ADGRB2: variants seen among roughly 807,000 people sequenced by gnomAD.
ADGRB2 encodes adhesion G protein-coupled receptor B2, also known as brain-specific angiogenesis inhibitor 2.
In ADGRB2, 47 loss-of-function variants were observed where a neutral mutation model predicts 178.7. The ratio of observed to expected loss-of-function variants is 0.26; its 90% CI spans 0.21 to 0.34. ADGRB2 has a LOEUF of 0.34. ADGRB2 is among the 10% of genes least tolerant of loss of function. The probability of loss-of-function intolerance (pLI) is 1.00; values close to 1 mark genes in which losing one functional copy is unlikely to be tolerated. For synonymous variants in ADGRB2, 870 were observed against 912.4 expected, an observed-to-expected ratio of 0.95 and a Z score of 0.84; for missense variants, 1,584 against 2,180.8, an observed-to-expected ratio of 0.73 and a Z score of 5.45.
At position 31,738,213 on chromosome 1, in the gene ADGRB2, G is replaced by A. The variant is rs200992106; in HGVS notation, c.2759C>T (p.Pro920Leu). The A allele has an allele frequency of 3.3e-5, 54 of 1,614,000 alleles. No individual in the cohort carries two copies. Among genetic ancestry groups the A allele is most frequent in the African/African-American group, 8.0e-5 (6 of 74,924 alleles). ...HLSTFAVLAQ[P>L]PKDLTLELAG... ...TGTTCCACTCACCAGGTCCTTGGGCGGCTGGGCTAGTACAGCAAAGGTGGA... is the reference window on the plus strand; with the variant it reads ...TGTTCCACTCACCAGGTCCTTGGGCAGCTGGGCTAGTACAGCAAAGGTGGA... Residue 920 changes from proline to leucine, a missense_variant, in exon 18 of 33, where the codon CCG (proline) becomes CTG (leucine). By Grantham distance (98) the Pro-to-Leu change is moderately conservative (BLOSUM62 -3). Around this residue, in one of 3 missense-constraint regions of ADGRB2, gnomAD observed 865 missense variants for 1,192.8 expected, o/e 0.73. Coordinates refer to ENST00000373658, the MANE Select transcript of ADGRB2 (RefSeq NM_001364857.2).
In ADGRB2 at chr1:31,749,817, T is replaced by C. The variant is rs550784048; in HGVS notation, c.839-5086A>G. Among the ~76,000 whole-genome samples the C allele has an allele frequency of 3.9e-5, 6 of 152,126 alleles. No individual in the cohort carries two copies. In the South Asian group the frequency reaches 1.2e-3, roughly 32 times the overall value. ...CTGTAGTCCCAGCTACTTGGGAAGC[T>C]GAGGTGGGAGGATTGTTTGAGGCCA... On this transcript the variant is annotated intron_variant, in intron 4 of 32. Transcript: ENST00000373658.
chr1:31,745,103 C>A (rs866233466), intron 4 of ADGRB2, among the ~76,000 whole-genome samples: 6 of 152,230 alleles, frequency 3.9e-5, no homozygotes, highest in East Asian at 1.9e-4. Flanking sequence ...GAACCATCAT[C>A]TCTGTTTACA....
intron 4 of ADGRB2, among the ~76,000 whole-genome samples, chr1:31,748,636 C>A (rs965878522): frequency 1.1e-4 from 16 of 152,354 alleles, no homozygotes; most frequent in African/African-American, 3.8e-4. Flanking sequence ...CCTGAGTGTT[C>A]CACCCAGTGA....
chr1:31,756,337 G>A lies in ADGRB2; in HGVS notation c.500C>T (p.Ser167Phe). The change falls in exon 4 of 33, where the codon TCC becomes TTC. Residue 167 changes from serine (S) to phenylalanine (F), a missense_variant. Transcript: ENST00000373658. This position sits in a 1 kb window ranked among gnomAD's most constrained non-coding sequence, Gnocchi z 8.5. ...FVQLCLSAEP[S>F]EAPRLLAPAA... The stretch of plus-strand genomic sequence containing the variant: ...GGGCGCCAGCAGGCGCGGGGCCTCG[G>A]AGGGCTCAGCCGACAGGCACAGCTG... The A allele has an allele frequency of 6.2e-7, 1 of 1,612,944 alleles. No individual in the cohort carries two copies. The highest frequency in any genetic ancestry group is 8.5e-7 in the Non-Finnish European group (1 of 1,179,964).
rs3766824 is a variant in ADGRB2 at position 31,731,877 on chromosome 1, G to T, written c.3760+238C>A. On this transcript the variant is annotated intron_variant, in intron 28 of 32. Coordinates refer to ENST00000373658, the MANE Select transcript of ADGRB2 (RefSeq NM_001364857.2). ...TGCCCCTAAGCCCCCCACCTGCCCT[G>T]GGAGGACAGTATTCTCTCCTTTACA... Among the ~76,000 whole-genome samples the T allele has an allele frequency of 2.0e-3, 312 of 152,314 alleles. 12 individuals are homozygous for T. In the East Asian group the frequency reaches 0.047, roughly 23 times the overall value.
At chr1:31,730,218 T>G (rs1889571) in intron 29 of ADGRB2, among the ~76,000 whole-genome samples, 18,304 of 152,184 alleles carry the variant, frequency 0.12, 1,434 homozygotes, top group South Asian at 0.34. Flanking sequence ...CCGGAGGGGT[T>G]TGCTTTTCTC....
chr1:31,736,238 G>C, intron 22 of ADGRB2, 83 bp downstream of exon 22: 1 of 1,508,894 alleles, frequency 6.6e-7, no homozygotes, highest in East Asian at 2.3e-5. Context: ...AACAGGCATG[G>C]GCTAGGATTT....
Position 31,740,248 on chromosome 1 carries a change from A to G in ADGRB2, c.1990-70T>C. 6.2e-7 allele frequency: 1 copy of G among 1,608,836 alleles called. No individual in the cohort carries two copies. The highest frequency in any genetic ancestry group is 8.5e-7 in the Non-Finnish European group (1 of 1,177,056). ...ACAGGGGGCTTCCCCCACTATAGCC[A>G]CACTTGCCGCCTCTACAGCAGACTC... is the stretch of plus-strand genomic sequence containing the variant. On this transcript the variant is annotated intron_variant, in intron 12 of 32. Transcript: ENST00000373658. The surrounding 1 kb of genome is among the most constrained non-coding windows in gnomAD (Gnocchi z 5.9).
At position 31,744,102 on chromosome 1, in the gene ADGRB2, G is replaced by A. The variant is rs961545821; in HGVS notation, c.1087+91C>T. ...CCACATTTGTTGAATGAAAGGAGGA[G>A]GCAACCAACCATTTTGGAGATTAAT... On this transcript the variant is annotated intron_variant, in intron 6 of 32. Coordinates refer to ENST00000373658, the MANE Select transcript of ADGRB2 (RefSeq NM_001364857.2). The surrounding 1 kb of genome is among the most constrained non-coding windows in gnomAD (Gnocchi z 6.7). 1 of 1,413,952 alleles carries A rather than the reference G, an allele frequency of 7.1e-7. No individual in the cohort carries two copies. The highest frequency in any genetic ancestry group is 1.5e-5 in the African/African-American group (1 of 68,832). 87.6% of individuals were successfully genotyped at this position (1,413,952 alleles called of 1,614,324 possible). A position where few individuals can be genotyped will look rare whatever the true frequency, so the allele number is the denominator to read the frequency against.
At position 31,728,267 on chromosome 1, in the gene ADGRB2, G is replaced by A; in HGVS notation, c.4430C>T (p.Thr1477Ile). ...GTAGAGTTCTGAATGCCGTTTCCGG[G>A]TGTGCATCACCTTCTAGGGGCCACA... ...SDLDFEKVMH[T>I]RKRHSELYHE... is the part of the protein sequence containing the mutation. The change falls in exon 31 of 33, where the codon ACC becomes ATC. Residue 1477 changes from threonine to isoleucine, a missense_variant. Around this residue, in one of 3 missense-constraint regions of ADGRB2, gnomAD observed 865 missense variants for 1,192.8 expected, o/e 0.73. Transcript: ENST00000373658. This position sits in a 1 kb window ranked among gnomAD's most constrained non-coding sequence, Gnocchi z 6.7. The A allele has an allele frequency of 6.2e-7, 1 of 1,613,990 alleles. No individual in the cohort carries two copies. The highest frequency in any genetic ancestry group is 8.5e-7 in the Non-Finnish European group (1 of 1,180,010).
In ADGRB2 at chr1:31,739,996, C is replaced by T. The variant is rs781573880; in HGVS notation, c.2097G>A (p.Glu699=). ...CATCGCCCACCAGGTGAATGAAGTC[C>T]TCCACGACACGGAGCAGGTGCACAG... ...PGSVHLLRVV[E]DFIHLVGDAL... Residue 699 remains glutamate (E), a synonymous_variant, in exon 14 of 33, where the codon GAG becomes GAA. Coordinates refer to ENST00000373658, the MANE Select transcript of ADGRB2 (RefSeq NM_001364857.2). 6.2e-7 allele frequency: 1 copy of T among 1,614,182 alleles called. No homozygotes were observed. Among genetic ancestry groups the T allele is most frequent in the Admixed American group, 1.7e-5 (1 of 60,030 alleles).
In ADGRB2 at chr1:31,733,529, G is replaced by A. The variant is rs1645408418; in HGVS notation, c.3453-386C>T. Among the ~76,000 whole-genome samples, 1 of 152,204 alleles carries A rather than the reference G, an allele frequency of 6.6e-6. No homozygotes were observed. The highest frequency in any genetic ancestry group is 2.1e-4 in the South Asian group (1 of 4,830). The stretch of plus-strand genomic sequence containing the variant: ...GCATCCCCAGAGCCTAACTGGGTAG[G>A]CTGGGGAGGGGGACTGGAAGAGGGA... On this transcript the variant is annotated intron_variant, in intron 25 of 32. Coordinates refer to ENST00000373658, the MANE Select transcript of ADGRB2 (RefSeq NM_001364857.2). This position sits in a 1 kb window ranked among gnomAD's most constrained non-coding sequence, Gnocchi z 4.3.
In ADGRB2 at chr1:31,759,427, C is replaced by T. The variant is rs1646976172; in HGVS notation, c.-190-1916G>A. On this transcript the variant is annotated intron_variant, in intron 1 of 32. Coordinates refer to ENST00000373658, the MANE Select transcript of ADGRB2 (RefSeq NM_001364857.2). This position sits in a 1 kb window ranked among gnomAD's most constrained non-coding sequence, Gnocchi z 4.3. ...CTGAAGCTGGATCTCCCTCCCCTACCCTGCTCCTAGGCTGCTGCTCCCTAC... is the reference window on the plus strand; with the variant it reads ...CTGAAGCTGGATCTCCCTCCCCTACTCTGCTCCTAGGCTGCTGCTCCCTAC... 2 of 776,896 alleles carry T rather than the reference C, an allele frequency of 2.6e-6. No individual in the cohort carries two copies. Among genetic ancestry groups the T allele is most frequent in the Non-Finnish European group, 2.4e-6 (1 of 416,294 alleles). 48.1% of individuals were successfully genotyped at this position (776,896 alleles called of 1,614,324 possible). A position where few individuals can be genotyped will look rare whatever the true frequency, so the allele number is the denominator to read the frequency against.
chr1:31,741,995 G>A lies in ADGRB2; in HGVS notation c.1418-28C>T. 2 of 1,583,656 alleles carry A rather than the reference G, an allele frequency of 1.3e-6. No individual in the cohort carries two copies. Among genetic ancestry groups the A allele is most frequent in the Non-Finnish European group, 1.7e-6 (2 of 1,160,546 alleles). On this transcript the variant is annotated intron_variant, in intron 8 of 32. Transcript: ENST00000373658. This position sits in a 1 kb window ranked among gnomAD's most constrained non-coding sequence, Gnocchi z 6.5. ...GTGGGAGAGGTGAGGCATATGAGTG[G>A]GCCCAGGTACCCCCATGGTCAGAGC...
At chr1:31,743,411 A>C in intron 6 of ADGRB2, 1 of 163,170 alleles carries the variant, frequency 6.1e-6, no homozygotes. Context: ...GGGCAAGAGA[A>C]GCGCCCTTCC....
rs374698488 is a variant in ADGRB2, at chr1:31,732,108, C to T, written c.3760+7G>A. ...GACCATTCTCAGTTCTGCCACGGCA[C>T]ACTCACCTGTTTGACAAGCCAGATC... On this transcript the variant is annotated splice_region_variant and intron_variant, in intron 28 of 32. Coordinates refer to ENST00000373658, the MANE Select transcript of ADGRB2 (RefSeq NM_001364857.2). 5 of 1,614,050 alleles carry T rather than the reference C, an allele frequency of 3.1e-6. No homozygotes were observed. The highest frequency in any genetic ancestry group is 4.2e-6 in the Non-Finnish European group (5 of 1,179,960).
Position 31,744,614 on chromosome 1 carries a change from C to T in ADGRB2, c.922+34G>A, listed in dbSNP as rs773820971. The stretch of plus-strand genomic sequence containing the variant: ...CCACCAGACGCACACAGTCGGGCCC[C>T]CGCCGCAGAGGAAGGGAGGCGGGCC... On this transcript the variant is annotated intron_variant, in intron 5 of 32. Coordinates refer to ENST00000373658, the MANE Select transcript of ADGRB2 (RefSeq NM_001364857.2). The surrounding 1 kb of genome is among the most constrained non-coding windows in gnomAD (Gnocchi z 6.7). The T allele has an allele frequency of 8.1e-6, 13 of 1,610,256 alleles. No homozygotes were observed. In the East Asian group the frequency reaches 2.5e-4, roughly 30 times the overall value.
chr1:31,749,032 C>T (rs192353428), intron 4 of ADGRB2, among the ~76,000 whole-genome samples: 1 of 152,342 alleles, frequency 6.6e-6, no homozygotes, highest in East Asian at 1.9e-4. Context: ...TGCCACTCAA[C>T]TTGGACCTCC....
Position 31,728,648 on chromosome 1 carries a change from C to A in ADGRB2, c.4381-15G>T. ...AATTTCTTTCGCTGGGAAGGAGCAACAAGGAGGCAATGGAGGAGAAGAAAG... is the reference window on the plus strand; with the variant it reads ...AATTTCTTTCGCTGGGAAGGAGCAAAAAGGAGGCAATGGAGGAGAAGAAAG... On this transcript the variant is annotated splice_polypyrimidine_tract_variant and intron_variant, in intron 29 of 32. Transcript: ENST00000373658. This position sits in a 1 kb window ranked among gnomAD's most constrained non-coding sequence, Gnocchi z 6.7. 1 of 1,614,018 alleles carries A rather than the reference C, an allele frequency of 6.2e-7. No individual in the cohort carries two copies. Among genetic ancestry groups the A allele is most frequent in the Non-Finnish European group, 8.5e-7 (1 of 1,179,964 alleles).
Sources: gnomAD v4.1 joint callset for allele counts (sites outside exome capture counted in the v4.1 genomes callset) on GRCh38, gnomAD v4.1.1 for gene constraint, gnomAD v4.1.1 regional missense constraint, Gnocchi (gnomAD v3.1) non-coding constraint, MANE v1.5 for transcripts, NCBI Gene and HGNC (gene_info 2026-07-23, HGNC 2026-07-21) for gene names.